The following NRG3 variants were observed in gnomAD, a reference collection of about 807,000 sequenced individuals.
NRG3 encodes the protein pro-neuregulin-3, membrane-bound isoform.
In NRG3, 31 loss-of-function variants were observed where a neutral mutation model predicts 66.9. That is an observed-to-expected ratio of 0.46 (90% confidence interval 0.35 to 0.63). The LOEUF (loss-of-function observed/expected upper bound fraction) is 0.63. Ranked by LOEUF, NRG3 falls within the 20% of genes least tolerant of loss-of-function variation. The pLI is 0.00. For synonymous variants in NRG3, 393 were observed against 359.4 expected (o/e 1.09, Z -1.06); for missense variants, 910 against 878.9 (o/e 1.04, Z -0.45).
intron 1 of NRG3, among the ~76,000 whole-genome samples, chr10:82,006,982 A>G (rs1423564618): frequency 6.6e-6 from 1 of 152,146 alleles, no homozygotes; most frequent in Non-Finnish European, 1.5e-5. Flanking sequence ...GGATTTGGTT[A>G]GAATTGCTTT....
intron 2 of NRG3, among the ~76,000 whole-genome samples, chr10:82,648,330 T>C (rs1447993393): frequency 6.6e-6 from 1 of 151,944 alleles, no homozygotes; most frequent in African/African-American, 2.4e-5. Flanking sequence ...TGCGGCATTA[T>C]TTCTGAGGGC....
At position 82,865,360 on chromosome 10, in the gene NRG3, AC is replaced by A. The variant is rs1310078313; in HGVS notation, c.1028-49del. On this transcript the variant is annotated intron_variant, in intron 3 of 8. Coordinates refer to ENST00000372141, the MANE Select transcript of NRG3 (RefSeq NM_001010848.4). ...ATTTCCATGTATAGAGCTTTTTCTAACCTTTTTCTCTTTTTCTCTTCCCCTT... is the reference window on the plus strand; with the variant it reads ...ATTTCCATGTATAGAGCTTTTTCTAACTTTTTCTCTTTTTCTCTTCCCCTT... 4.4e-6 allele frequency: 7 copies of A among 1,603,952 alleles called. No homozygotes were observed. The African/African-American group carries it at 9.4e-5, about 22-fold the overall frequency.
At chr10:82,105,123 A>G (rs2132163544) in intron 1 of NRG3, among the ~76,000 whole-genome samples, 1 of 152,328 alleles carries the variant, frequency 6.6e-6, no homozygotes, top group Non-Finnish European at 1.5e-5. Flanking sequence ...AAAAACGTGA[A>G]TTCAATGGAA....
chr10:82,107,557 C>T (rs79507638), intron 1 of NRG3, among the ~76,000 whole-genome samples: 9,355 of 152,070 alleles, frequency 0.062, 444 homozygotes, highest in East Asian at 0.24. Flanking sequence ...TTAATTTTCC[C>T]AATATATAAC....
chr10:82,399,440 G>A (rs1442228079), intron 2 of NRG3, among the ~76,000 whole-genome samples: 1 of 152,126 alleles, frequency 6.6e-6, no homozygotes, highest in Non-Finnish European at 1.5e-5. Flanking sequence ...GTCTTAGTTC[G>A]AGCTGCTATC....
intron 1 of NRG3, among the ~76,000 whole-genome samples, chr10:82,251,507 C>T (rs2077487020): frequency 1.3e-5 from 2 of 152,126 alleles, no homozygotes; most frequent in Admixed American, 1.3e-4. Flanking sequence ...TTCAGTGCTG[C>T]ACTCTCCTGC....
At chr10:82,562,028 A>G (rs2045079515) in intron 2 of NRG3, among the ~76,000 whole-genome samples, 1 of 152,196 alleles carries the variant, frequency 6.6e-6, no homozygotes, top group African/African-American at 2.4e-5. Flanking sequence ...GCATCTTGGA[A>G]TTAGACAAAC....
At chr10:82,799,283 T>C (rs541823622) in intron 3 of NRG3, among the ~76,000 whole-genome samples, 3 of 152,200 alleles carry the variant, frequency 2.0e-5, no homozygotes, top group African/African-American at 7.2e-5. Flanking sequence ...ATCCTAGCAC[T>C]TTGAGAGGCC....
intron 2 of NRG3, among the ~76,000 whole-genome samples, chr10:82,534,267 G>GT (rs60425988): frequency 0.012 from 1,696 of 141,620 alleles, 16 homozygotes; most frequent in African/African-American, 0.022. Flanking sequence ...AATCCATTTT[G>GT]TTTTTTTTTT....
chr10:82,297,210 C>A (rs2080118579), intron 1 of NRG3, among the ~76,000 whole-genome samples: 2 of 152,036 alleles, frequency 1.3e-5, no homozygotes, highest in African/African-American at 2.4e-5. Context: ...GATTCTATGA[C>A]TTTGCTATTG....
chr10:82,984,980 T>C, intron 8 of NRG3, 118 bp from the exon 9 acceptor site: 1 of 1,330,034 alleles, frequency 7.5e-7, no homozygotes, highest in South Asian at 1.3e-5. Flanking sequence ...ATCCGTCTCA[T>C]GGGGTTGCTG....
At chr10:82,871,433 C>G (rs1467754306) in intron 4 of NRG3, among the ~76,000 whole-genome samples, 2 of 151,998 alleles carry the variant, frequency 1.3e-5, no homozygotes, top group Non-Finnish European at 2.9e-5. Context: ...ATGTTAGAAT[C>G]AGTTTATGAA....
chr10:81,875,366 C>T lies in NRG3; in HGVS notation c.26C>T (p.Ser9Leu). The change falls in exon 1 of 9, where the codon TCG (serine) becomes TTG (leucine). Residue 9 changes from serine to leucine, a missense_variant. Physicochemically the swap from Ser to Leu is moderately radical, Grantham distance 145 (BLOSUM62 -2). Transcript: ENST00000372141. This position sits in a 1 kb window ranked among gnomAD's most constrained non-coding sequence, Gnocchi z 5.3. Reference sequence around the variant, plus strand: ...ATGAGTGAAGGGGCGGCCGCTGCCTCGCCACCTGGTGCCGCTTCGGCAGCC... The same window carrying T: ...ATGAGTGAAGGGGCGGCCGCTGCCTTGCCACCTGGTGCCGCTTCGGCAGCC... MSEGAAAA[S>L]PPGAASAAAA... 1 of 991,998 alleles carries T rather than the reference C, an allele frequency of 1.0e-6. No homozygotes were observed. The highest frequency in any genetic ancestry group is 1.2e-6 in the Non-Finnish European group (1 of 835,882). The allele number at this position is 991,998 out of a possible 1,614,324, so 61.4% of individuals were successfully genotyped here.
Position 82,171,250 on chromosome 10 carries a change from C to CT in NRG3, c.824-187488dup, listed in dbSNP as rs760869803. Reference sequence around the variant, plus strand: ...CAATCATTCTTTCTCCCCTAGTTGCCTGGCCCAGTGATGTACTAAAAGATG... The same window carrying CT: ...CAATCATTCTTTCTCCCCTAGTTGCCTTGGCCCAGTGATGTACTAAAAGATG... On this transcript the variant is annotated intron_variant, in intron 1 of 8. Coordinates refer to ENST00000372141, the MANE Select transcript of NRG3 (RefSeq NM_001010848.4). 2.0e-4 allele frequency among the ~76,000 whole-genome samples: 31 copies of CT among 152,014 alleles called. 1 individual carries two copies. The highest frequency in any genetic ancestry group is 3.5e-4 in the Non-Finnish European group (24 of 67,996).
At chr10:82,949,882 A>T (rs545747223) in intron 4 of NRG3, among the ~76,000 whole-genome samples, 1 of 151,996 alleles carries the variant, frequency 6.6e-6, no homozygotes, top group African/African-American at 2.4e-5. Flanking sequence ...CAAAAAAAAA[A>T]CCAAAAAGAT....
At chr10:82,375,453 C>T (rs186114384) in intron 2 of NRG3, among the ~76,000 whole-genome samples, 9 of 151,306 alleles carry the variant, frequency 5.9e-5, no homozygotes, top group Admixed American at 1.3e-4. Flanking sequence ...AGGAGAATGG[C>T]GTGAACCTGG....
chr10:82,864,127 C>T (rs75827847), intron 3 of NRG3, among the ~76,000 whole-genome samples: 1,595 of 152,032 alleles, frequency 0.01, 25 homozygotes, highest in African/African-American at 0.032. Context: ...GATTAGGGGG[C>T]ACAGAGTTTC....
chr10:82,609,315 G>C (rs2048161477), intron 2 of NRG3, among the ~76,000 whole-genome samples: 1 of 152,168 alleles, frequency 6.6e-6, no homozygotes, highest in Non-Finnish European at 1.5e-5. Context: ...CATTCAAAGA[G>C]TGCCAATCTA....
At chr10:81,877,467 C>G (rs1248936225) in intron 1 of NRG3, among the ~76,000 whole-genome samples, 2 of 152,276 alleles carry the variant, frequency 1.3e-5, no homozygotes, top group East Asian at 3.9e-4. Context: ...ATCATTAACT[C>G]TTCAGTGATG....
Sources: allele counts gnomAD v4.1 joint callset (sites outside exome capture counted in the v4.1 genomes callset), GRCh38; gene constraint gnomAD v4.1.1; non-coding constraint Gnocchi (gnomAD v3.1); transcripts MANE v1.5; gene names NCBI Gene and HGNC (gene_info 2026-07-23, HGNC 2026-07-21).